The following CD163 variants were observed in gnomAD, a reference collection of about 807,000 sequenced individuals.
The protein encoded by CD163 is CD163 molecule.
CD163 carries 64 observed loss-of-function variants against 129.2 expected under a neutral mutation model. The observed-to-expected ratio is 0.50, with a 90% CI of 0.41 to 0.61. CD163 has a LOEUF of 0.61. Among genes scored for constraint, CD163 ranks in the 20% least tolerant of loss-of-function variants. The pLI, the probability that CD163 is intolerant of heterozygous loss-of-function variation, is 0.00. For synonymous variants in CD163, 446 were observed against 478.5 expected, an observed-to-expected ratio of 0.93 and a Z score of 0.89; for missense variants, 1,061 against 1,377.9, an observed-to-expected ratio of 0.77 and a Z score of 3.64.
intron 10 of CD163, among the ~76,000 whole-genome samples, chr12:7,486,081 T>C (rs966903800): frequency 1.3e-5 from 2 of 152,202 alleles, no homozygotes; most frequent in African/African-American, 4.8e-5. Context: ...TTATCTGCCA[T>C]GAAAAATTGC....
At chr12:7,501,521 AT>A in intron 2 of CD163, 59 bp from the exon 3 acceptor site, 6 of 1,245,376 alleles carry the variant, frequency 4.8e-6, no homozygotes, top group Non-Finnish European at 7.0e-6. Flanking sequence ...GTAGAAAATT[AT>A]TTTTTTACAT....
At chr12:7,477,229 C>CT (rs77378781) in intron 16 of CD163, among the ~76,000 whole-genome samples, 11,090 of 152,224 alleles carry the variant, frequency 0.073, 435 homozygotes, top group South Asian at 0.13. Flanking sequence ...CCACCAATCC[C>CT]ATTACTGGGT....
At chr12:7,502,822 A>G in intron 1 of CD163, 1 of 560,196 alleles carries the variant, frequency 1.8e-6, no homozygotes, top group African/African-American at 1.9e-5. Flanking sequence ...CGAGAATTGC[A>G]AGGTCAACCC....
chr12:7,487,017 G>A lies in CD163; in HGVS notation c.2051-31C>T, dbSNP rs201044711. The A allele has an allele frequency of 1.1e-3, 1,680 of 1,551,098 alleles. 3 individuals carry two copies. The highest frequency in any genetic ancestry group is 1.4e-3 in the Non-Finnish European group (1,595 of 1,124,560). On this transcript the variant is annotated intron_variant, in intron 8 of 16. Coordinates refer to ENST00000432237, the MANE Select transcript of CD163 (RefSeq NM_203416.4). This position sits in a 1 kb window ranked among gnomAD's most constrained non-coding sequence, Gnocchi z 5.1. ...AACACCAAGGTACTCAGTCATACAA[G>A]ACACAAAAGGTTAGGGGAGTCAGAT... is the stretch of plus-strand genomic sequence containing the variant.
Position 7,483,494 on chromosome 12 carries a change from C to A in CD163, c.2961G>T (p.Gly987=). The change falls in exon 12 of 17, where the codon GGG becomes GGT. Residue 987 remains glycine, a synonymous_variant. Coordinates refer to ENST00000432237, the MANE Select transcript of CD163 (RefSeq NM_203416.4). ...CTTCATTGAGCCATATCGGTCCAGTCCCCTGACCAAACTCTGCTTCTTTGA... is the reference window on the plus strand; with the variant it reads ...CTTCATTGAGCCATATCGGTCCAGTACCCTGACCAAACTCTGCTTCTTTGA... ...KAFKEAEFGQ[G]TGPIWLNEVK... 1 of 1,614,016 alleles carries A rather than the reference C, an allele frequency of 6.2e-7. No homozygotes were observed. The highest frequency in any genetic ancestry group is 1.6e-4 in the Middle Eastern group (1 of 6,062).
At position 7,477,115 on chromosome 12, in the gene CD163, T is replaced by C. The variant is rs774183698; in HGVS notation, c.*31+2745A>G. ...GGATGCTGGAGAGGATGTGGAGAAATAGAAATGCTTTTACAGTGTTGGTGG... is the reference window on the plus strand; with the variant it reads ...GGATGCTGGAGAGGATGTGGAGAAACAGAAATGCTTTTACAGTGTTGGTGG... On this transcript the variant is annotated intron_variant, in intron 16 of 16. Transcript: ENST00000432237. Among the ~76,000 whole-genome samples the C allele has an allele frequency of 3.9e-5, 6 of 152,248 alleles. No individual in the cohort carries two copies. In the East Asian group the frequency reaches 7.7e-4, roughly 20 times the overall value.
rs1394513834 is a variant in CD163 at position 7,470,861 on chromosome 12, A to G, written c.*568T>C. On this transcript the variant is annotated 3_prime_UTR_variant, in exon 17 of 17. Transcript: ENST00000432237. ...TCTGCATTTTATTCTAGTGAACAGA[A>G]TTACAGTAACAAAAAGCAGTTAAAG... is the stretch of plus-strand genomic sequence containing the variant. The G allele has an allele frequency of 6.6e-6, 1 of 152,186 alleles. No homozygotes were observed. The highest frequency in any genetic ancestry group is 1.5e-5 in the Non-Finnish European group (1 of 68,022). 9.4% of individuals were successfully genotyped at this position (152,186 alleles called of 1,614,324 possible).
chr12:7,490,174 A>C (rs1272841508), intron 6 of CD163, among the ~76,000 whole-genome samples: 1 of 152,036 alleles, frequency 6.6e-6, no homozygotes, highest in Admixed American at 6.6e-5. Context: ...GTTTTAGACT[A>C]TGGGGGAGAG....
rs759254521 is a variant in CD163, at chr12:7,487,858, A to G, written c.1650T>C (p.His550=). ...IWAEEFQCEG[H]ESHLSLCPVA... Reference sequence around the variant, plus strand: ...CTGGGCAGAGTGAAAGATGGGACTCATGTCCCTCACACTGGAATTCTTCAG... The same window carrying G: ...CTGGGCAGAGTGAAAGATGGGACTCGTGTCCCTCACACTGGAATTCTTCAG... Residue 550 remains histidine (H), a synonymous_variant, in exon 7 of 17, where the codon CAT becomes CAC. Transcript: ENST00000432237. This position sits in a 1 kb window ranked among gnomAD's most constrained non-coding sequence, Gnocchi z 5.1. 1.9e-6 allele frequency: 3 copies of G among 1,614,080 alleles called. No individual in the cohort carries two copies. In the South Asian group the frequency reaches 3.3e-5, roughly 18 times the overall value.
chr12:7,477,232 T>C (rs745514695), intron 16 of CD163, among the ~76,000 whole-genome samples: 12 of 152,164 alleles, frequency 7.9e-5, no homozygotes, highest in Non-Finnish European at 1.2e-4. Flanking sequence ...CCAATCCCAT[T>C]ACTGGGTATA....
At chr12:7,481,474 C>G (rs754219287) in intron 14 of CD163, among the ~76,000 whole-genome samples, 3 of 152,288 alleles carry the variant, frequency 2.0e-5, no homozygotes, top group Admixed American at 2.0e-4. Flanking sequence ...TTAATATAAA[C>G]AACCCACTGT....
At position 7,496,303 on chromosome 12, in the gene CD163, A is replaced by G. The variant is rs1436933803; in HGVS notation, c.1099+510T>C. Among the ~76,000 whole-genome samples, 2 of 151,920 alleles carry G rather than the reference A, an allele frequency of 1.3e-5. No homozygotes were observed. Among genetic ancestry groups the G allele is most frequent in the Non-Finnish European group, 2.9e-5 (2 of 67,978 alleles). On this transcript the variant is annotated intron_variant, in intron 5 of 16. Transcript: ENST00000432237. This position sits in a 1 kb window ranked among gnomAD's most constrained non-coding sequence, Gnocchi z 4.8. ...GAGAACACACGGACACAGGGAGGGG[A>G]ACATCACACACTGGGGCCTGTCAAT...
Position 7,485,810 on chromosome 12 carries a change from A to G in CD163, c.2459-394T>C, listed in dbSNP as rs767937632. ...TTTTGTGTACATCTCTTAAAATGAC[A>G]GTTCATTTGCTGACACTTCACAGTT... is the stretch of plus-strand genomic sequence containing the variant. On this transcript the variant is annotated intron_variant, in intron 10 of 16. Coordinates refer to ENST00000432237, the MANE Select transcript of CD163 (RefSeq NM_203416.4). The surrounding 1 kb of genome is among the most constrained non-coding windows in gnomAD (Gnocchi z 4.5). Among the ~76,000 whole-genome samples, 1 of 152,322 alleles carries G rather than the reference A, an allele frequency of 6.6e-6. No homozygotes were observed. The highest frequency in any genetic ancestry group is 2.4e-5 in the African/African-American group (1 of 41,576).
At chr12:7,473,947 G>C (rs1180205115) in intron 16 of CD163, among the ~76,000 whole-genome samples, 1 of 151,938 alleles carries the variant, frequency 6.6e-6, no homozygotes, top group African/African-American at 2.4e-5. Context: ...TGATAAAATA[G>C]ACCTTAAGCC....
intron 16 of CD163, among the ~76,000 whole-genome samples, chr12:7,474,220 C>T (rs990114649): frequency 2.0e-5 from 3 of 152,094 alleles, no homozygotes; most frequent in African/African-American, 7.2e-5. Flanking sequence ...CAGCTCTGGA[C>T]CAAATGGACC....
rs775804421 is a variant in CD163 at position 7,503,352 on chromosome 12, T to A, written c.46+293A>T. The stretch of plus-strand genomic sequence containing the variant: ...CTCTCTATCAATATTCCTTTCTGCA[T>A]ATTCTATCTTTTCTAACAACTATTT... On this transcript the variant is annotated intron_variant, in intron 1 of 16. Coordinates refer to ENST00000432237, the MANE Select transcript of CD163 (RefSeq NM_203416.4). Among the ~76,000 whole-genome samples, 4 of 152,350 alleles carry A rather than the reference T, an allele frequency of 2.6e-5. No homozygotes were observed. The South Asian group carries it at 8.3e-4, about 32-fold the overall frequency.
At chr12:7,484,148 T>C (rs1327192341) in intron 11 of CD163, among the ~76,000 whole-genome samples, 2 of 151,764 alleles carry the variant, frequency 1.3e-5, no homozygotes, top group African/African-American at 4.8e-5. Flanking sequence ...AAAATTTATA[T>C]TTTTACAAAA....
At chr12:7,500,699 A>T (rs1011094815) in intron 3 of CD163, among the ~76,000 whole-genome samples, 1 of 152,218 alleles carries the variant, frequency 6.6e-6, no homozygotes, top group Admixed American at 6.5e-5. Flanking sequence ...TAATGCTAGA[A>T]ATAGTTGTTT....
chr12:7,480,083 C>G, intron 15 of CD163, 170 bp from the exon 16 acceptor site: 1 of 1,231,518 alleles, frequency 8.1e-7, no homozygotes, highest in Non-Finnish European at 1.1e-6. Context: ...AAAACACCAC[C>G]CATAACTAGG....
Sources: gnomAD v4.1 joint callset for allele counts (sites outside exome capture counted in the v4.1 genomes callset) on GRCh38, gnomAD v4.1.1 for gene constraint, Gnocchi (gnomAD v3.1) non-coding constraint, MANE v1.5 for transcripts, NCBI Gene and HGNC (gene_info 2026-07-23, HGNC 2026-07-21) for gene names.